Variants in ZMYM2 observed in about 807,000 individuals in gnomAD.
ZMYM2 encodes zinc finger MYM-type protein 2.
ZMYM2 carries 56 observed loss-of-function variants against 162.8 expected under a neutral mutation model. The observed-to-expected ratio is 0.34, with a 90% CI of 0.28 to 0.43. The LOEUF (loss-of-function observed/expected upper bound fraction) is 0.43. Among genes scored for constraint, ZMYM2 ranks in the 20% least tolerant of loss-of-function variants. The probability of loss-of-function intolerance (pLI) is 1.00; values close to 1 mark genes in which losing one functional copy is unlikely to be tolerated. For missense variants in ZMYM2, 1,275 were observed against 1,621.8 expected, an observed-to-expected ratio of 0.79 and a Z score of 3.67; for synonymous variants, 510 against 541.6, an observed-to-expected ratio of 0.94 and a Z score of 0.81.
the ZMYM2 span, among the ~76,000 whole-genome samples, chr13:19,885,480 T>C: frequency 2.6e-5 from 4 of 152,168 alleles, no homozygotes; most frequent in Admixed American, 6.6e-5. Flanking sequence ...TTAATTGCCA[T>C]TCAGGATTAC....
At chr13:19,884,109 G>A in the ZMYM2 span, among the ~76,000 whole-genome samples, 5 of 152,156 alleles carry the variant, frequency 3.3e-5, no homozygotes, top group Non-Finnish European at 7.3e-5. Context: ...ACTGGCACAA[G>A]CCTGTAATCC....
At chr13:20,047,951 C>A (rs981514554) in intron 12 of ZMYM2, among the ~76,000 whole-genome samples, 2 of 152,074 alleles carry the variant, frequency 1.3e-5, no homozygotes, top group South Asian at 4.1e-4. Context: ...TTCTTTTGAT[C>A]TTTGTAAGTT....
chr13:19,911,801 G>A, the ZMYM2 span, among the ~76,000 whole-genome samples: 1 of 152,198 alleles, frequency 6.6e-6, no homozygotes, highest in Non-Finnish European at 1.5e-5. Context: ...GCGGAGTTAG[G>A]GCTATTCTGT....
the ZMYM2 span, among the ~76,000 whole-genome samples, chr13:19,923,701 C>G: frequency 7.8e-6 from 1 of 128,286 alleles, no homozygotes; most frequent in Non-Finnish European, 1.6e-5. Flanking sequence ...GATGGAGTCT[C>G]GCTCTGTTGC....
the ZMYM2 span, among the ~76,000 whole-genome samples, chr13:19,922,360 C>A: frequency 1.3e-5 from 2 of 152,114 alleles, no homozygotes; most frequent in African/African-American, 2.4e-5. Flanking sequence ...GTTATAGTGT[C>A]CTGCGCGGCA....
chr13:20,017,147 C>CT (rs1951696765), intron 6 of ZMYM2, among the ~76,000 whole-genome samples: 2 of 152,206 alleles, frequency 1.3e-5, no homozygotes, highest in East Asian at 3.8e-4. Context: ...GTTAAGGTGT[C>CT]TAATTACCAC....
chr13:19,908,999 A>C, the ZMYM2 span, among the ~76,000 whole-genome samples: 3 of 152,220 alleles, frequency 2.0e-5, no homozygotes, highest in African/African-American at 7.2e-5. Flanking sequence ...TTCATAAAGT[A>C]TACTTTACTA....
the ZMYM2 span, among the ~76,000 whole-genome samples, chr13:19,937,723 G>C: frequency 1.3e-5 from 2 of 150,624 alleles, no homozygotes; most frequent in Non-Finnish European, 2.9e-5. Flanking sequence ...GTGCCATGTT[G>C]GTGTGCTGCA....
chr13:19,959,497 G>GC (rs1485950378), intron 1 of ZMYM2, among the ~76,000 whole-genome samples: 1 of 151,364 alleles, frequency 6.6e-6, no homozygotes, highest in Non-Finnish European at 1.5e-5. Flanking sequence ...GCCGACTGCA[G>GC]GGGGGGGCAA....
chr13:19,968,577 A>C (rs549401781), intron 2 of ZMYM2, among the ~76,000 whole-genome samples: 1 of 152,130 alleles, frequency 6.6e-6, no homozygotes, highest in African/African-American at 2.4e-5. Flanking sequence ...TCACTAGACT[A>C]ATGTTGAGAC....
chr13:19,873,576 T>G, the ZMYM2 span, among the ~76,000 whole-genome samples: 2 of 151,950 alleles, frequency 1.3e-5, no homozygotes, highest in East Asian at 3.9e-4. Context: ...GCCCAGCTAA[T>G]TTTTGTATTT....
intron 12 of ZMYM2, among the ~76,000 whole-genome samples, chr13:20,042,132 A>G (rs1048130234): frequency 1.3e-5 from 2 of 152,110 alleles, no homozygotes; most frequent in Non-Finnish European, 1.5e-5. Context: ...GTTCTCATGG[A>G]TGATATCCAG....
the ZMYM2 span, among the ~76,000 whole-genome samples, chr13:19,891,639 AT>A: frequency 6.7e-6 from 1 of 149,750 alleles, no homozygotes; most frequent in Non-Finnish European, 1.5e-5. Flanking sequence ...TTAGCTAGGC[AT>A]GGTGGCATGT....
intron 21 of ZMYM2, among the ~76,000 whole-genome samples, chr13:20,073,109 C>T (rs1957215671): frequency 1.3e-5 from 2 of 151,984 alleles, no homozygotes; most frequent in African/African-American, 2.4e-5. Context: ...GACTTCACCA[C>T]GTTGGCCAGG....
At chr13:20,075,886 A>C (rs1957465300) in intron 21 of ZMYM2, among the ~76,000 whole-genome samples, 1 of 150,972 alleles carries the variant, frequency 6.6e-6, no homozygotes, top group African/African-American at 2.4e-5. Flanking sequence ...CGTAGAGACG[A>C]GGTTTCGCCA....
intron 12 of ZMYM2, among the ~76,000 whole-genome samples, chr13:20,040,268 C>T (rs1348622077): frequency 6.6e-6 from 1 of 152,022 alleles, no homozygotes; most frequent in Non-Finnish European, 1.5e-5. Flanking sequence ...TTTCGGAGCT[C>T]ATTGTTGGTT....
the ZMYM2 span, among the ~76,000 whole-genome samples, chr13:19,941,270 T>C: frequency 6.7e-6 from 1 of 149,530 alleles, no homozygotes. Flanking sequence ...ATTGTGCCGC[T>C]GCACTCCAGC....
the ZMYM2 span, among the ~76,000 whole-genome samples, chr13:19,882,970 A>G: frequency 6.6e-6 from 1 of 152,230 alleles, no homozygotes; most frequent in East Asian, 1.9e-4. Flanking sequence ...ATACAGTACT[A>G]TTCACAGTAG....
intron 6 of ZMYM2, among the ~76,000 whole-genome samples, chr13:20,009,177 G>A (rs957266356): frequency 6.6e-6 from 1 of 152,132 alleles, no homozygotes. Context: ...TTAATTTCCT[G>A]TGAAAATATA....
Sources: gnomAD v4.1 joint callset for allele counts (sites outside exome capture counted in the v4.1 genomes callset) on GRCh38, gnomAD v4.1.1 for gene constraint, MANE v1.5 for transcripts, NCBI Gene and HGNC (gene_info 2026-07-23, HGNC 2026-07-21) for gene names.